Variants in GRINA observed in about 807,000 individuals in gnomAD.
The protein encoded by GRINA is protein lifeguard 1.
Under a neutral mutation model 42.5 loss-of-function variants are expected in GRINA, and 26 were observed. That is an observed-to-expected ratio of 0.61 (90% CI 0.45 to 0.85). The LOEUF (loss-of-function observed/expected upper bound fraction) is 0.85, where lower values mean the gene tolerates loss of function less well. Among genes scored for constraint, GRINA ranks in the 40% least tolerant of loss-of-function variants. The pLI, the probability that GRINA is intolerant of heterozygous loss-of-function variation, is 0.00. For missense variants in GRINA, 475 were observed against 481.5 expected, an observed-to-expected ratio of 0.99 and a Z score of 0.13; for synonymous variants, 256 against 204.2, an observed-to-expected ratio of 1.25 and a Z score of -2.17.
At position 143,992,264 on chromosome 8, in the gene GRINA, T is replaced by TGTC; in HGVS notation, c.716_718dup (p.Ser239dup). On this transcript the variant is annotated inframe_insertion, in exon 5 of 7. Coordinates refer to ENST00000395068, the MANE Select transcript of GRINA (RefSeq NM_001009184.2). ...CTGCAGTCGGTCCTGACCGCCAGCCTGTCGTACATGGTGGGGATGATCGCC... is the reference window on the plus strand; with the variant it reads ...CTGCAGTCGGTCCTGACCGCCAGCCTGTCGTCGTACATGGTGGGGATGATCGCC... The TGTC allele has an allele frequency of 6.2e-7, 1 of 1,600,840 alleles. No individual in the cohort carries two copies.
intron 4 of GRINA, 51 bp downstream of exon 4, chr8:143,992,129 C>A (rs782309962): frequency 6.2e-7 from 1 of 1,602,472 alleles, no homozygotes; most frequent in South Asian, 1.1e-5. Context: ...TGCAGTCCCA[C>A]ACGCCCACTC....
chr8:143,991,516 G>GCTA lies in GRINA; in HGVS notation c.295_297dup (p.Tyr99dup). 6.5e-7 allele frequency: 1 copy of GCTA among 1,544,994 alleles called. No individual in the cohort carries two copies. The highest frequency in any genetic ancestry group is 8.7e-7 in the Non-Finnish European group (1 of 1,143,920). On this transcript the variant is annotated inframe_insertion, in exon 2 of 7. Coordinates refer to ENST00000395068, the MANE Select transcript of GRINA (RefSeq NM_001009184.2). Reference sequence around the variant, plus strand: ...CCACAGGGCCCCTACCCCCAAGGGGGCTACCCCCAGGGGCCATATCCCCAG... The same window carrying GCTA: ...CCACAGGGCCCCTACCCCCAAGGGGGCTACTACCCCCAGGGGCCATATCCCCAG...
chr8:143,991,422 G>T lies in GRINA; in HGVS notation c.199G>T (p.Gly67Trp). Reference protein sequence around the residue: ...YPHGPSPYPQGGYPQGPYPQG... With the variant: ...YPHGPSPYPQWGYPQGPYPQG... Reference sequence around the variant, plus strand: ...CCATGGCCCCAGCCCCTACCCCCAAGGGGGCTACCCACAGGGTCCCTACCC... The same window carrying T: ...CCATGGCCCCAGCCCCTACCCCCAATGGGGCTACCCACAGGGTCCCTACCC... The change falls in exon 2 of 7, where the codon GGG becomes TGG. Residue 67 changes from glycine to tryptophan, a missense_variant. Gly to Trp is a radical substitution (Grantham distance 184, BLOSUM62 -2). Transcript: ENST00000395068. 1 of 1,405,576 alleles carries T rather than the reference G, an allele frequency of 7.1e-7. No individual in the cohort carries two copies. 87.1% of individuals were successfully genotyped at this position (1,405,576 alleles called of 1,614,324 possible). A position where few individuals can be genotyped will look rare whatever the true frequency, so the allele number is the denominator to read the frequency against.
rs1834064671 is a variant in GRINA, at chr8:143,990,073, C to T, written c.-151C>T. Reference sequence around the variant, plus strand: ...GCCCCGTCACAAGGCCCCGCTGCGTCTTCCGAGCCGCAGGCGCAGGCCCAG... The same window carrying T: ...GCCCCGTCACAAGGCCCCGCTGCGTTTTCCGAGCCGCAGGCGCAGGCCCAG... On this transcript the variant is annotated 5_prime_UTR_variant, in exon 1 of 7. Transcript: ENST00000395068. This position sits in a 1 kb window ranked among gnomAD's most constrained non-coding sequence, Gnocchi z 5.6. The T allele has an allele frequency of 6.6e-6, 1 of 150,658 alleles. No homozygotes were observed. The highest frequency in any genetic ancestry group is 2.1e-4 in the South Asian group (1 of 4,804). 9.3% of individuals were successfully genotyped at this position (150,658 alleles called of 1,614,324 possible).
Position 143,991,894 on chromosome 8 carries a change from C to T in GRINA, c.509C>T (p.Thr170Ile), listed in dbSNP as rs782346239. The part of the protein sequence containing the change: ...AFIRKVFLVL[T>I]LQLSVTLSTV... ...CTTCCCCAGGTGTTCCTAGTGCTGA[C>T]CTTGCAGCTGTCGGTGACCCTGTCC... The change falls in exon 4 of 7, where the codon ACC becomes ATC. Residue 170 changes from threonine (T) to isoleucine (I), a missense_variant. Transcript: ENST00000395068. 1.9e-6 allele frequency: 3 copies of T among 1,611,754 alleles called. No individual in the cohort carries two copies. The highest frequency in any genetic ancestry group is 4.5e-5 in the East Asian group (2 of 44,858).
At position 143,991,256 on chromosome 8, in the gene GRINA, G is replaced by T; in HGVS notation, c.33G>T (p.Gly11=). Residue 11 remains glycine (G), a synonymous_variant, in exon 2 of 7, where the codon GGG becomes GGT. Coordinates refer to ENST00000395068, the MANE Select transcript of GRINA (RefSeq NM_001009184.2). ...ATGAAAAGAGTTTTTTGGTGTCTGG[G>T]GACAACTATCCTCCCCCCAACCCTG... The part of the protein sequence containing the change: MSHEKSFLVS[G]DNYPPPNPGY... 6.4e-7 allele frequency: 1 copy of T among 1,570,172 alleles called. No individual in the cohort carries two copies. The highest frequency in any genetic ancestry group is 1.1e-5 in the South Asian group (1 of 87,240).
intron 5 of GRINA, 41 bp downstream of exon 5, chr8:143,992,414 GAGC>G: frequency 6.2e-7 from 1 of 1,612,856 alleles, no homozygotes. Context: ...CGCAGGGGCT[GAGC>G]AGCTTTCCCA....
rs1366078289 is a variant in GRINA, at chr8:143,990,345, G to C, written c.-25+146G>C. 6.6e-6 allele frequency: 1 copy of C among 150,880 alleles called. No individual in the cohort carries two copies. Among genetic ancestry groups the C allele is most frequent in the Non-Finnish European group, 1.5e-5 (1 of 67,444 alleles). The allele number at this position is 150,880 out of a possible 1,614,324, so 9.3% of individuals were successfully genotyped here. A position where few individuals can be genotyped will look rare whatever the true frequency, so the allele number is the denominator to read the frequency against. ...GTTGGTCCGGCCGGGGCGCGCGGCA[G>C]CTCGCGGCCAGAGGTGGCGGCGGTG... is the stretch of plus-strand genomic sequence containing the variant. On this transcript the variant is annotated intron_variant, in intron 1 of 6. Transcript: ENST00000395068. This position sits in a 1 kb window ranked among gnomAD's most constrained non-coding sequence, Gnocchi z 5.6.
rs988390635 is a variant in GRINA, at chr8:143,992,042, C to T, written c.657C>T (p.Asp219=). The change falls in exon 4 of 7, where the codon GAC becomes GAT. Residue 219 remains aspartate (D), a synonymous_variant. Coordinates refer to ENST00000395068, the MANE Select transcript of GRINA (RefSeq NM_001009184.2). Reference sequence around the variant, plus strand: ...TCATCGTCCTCAGCTGTTGTGGGGACTTCCGGCGAAAGCACCCCTGGAACC... The same window carrying T: ...TCATCGTCCTCAGCTGTTGTGGGGATTTCCGGCGAAAGCACCCCTGGAACC... ...ISLIVLSCCG[D]FRRKHPWNLV... 1 of 1,613,976 alleles carries T rather than the reference C, an allele frequency of 6.2e-7. No homozygotes were observed. The highest frequency in any genetic ancestry group is 1.7e-5 in the Admixed American group (1 of 60,022).
In GRINA at chr8:143,992,014, C is replaced by G. The variant is rs1834106869; in HGVS notation, c.629C>G (p.Ser210Cys). Residue 210 changes from serine (S) to cysteine (C), a missense_variant, in exon 4 of 7, where the codon TCT becomes TGT. Ser to Cys is a moderately radical substitution (Grantham distance 112, BLOSUM62 -1). Coordinates refer to ENST00000395068, the MANE Select transcript of GRINA (RefSeq NM_001009184.2). ...YYVSYAVFFISLIVLSCCGDF... is the reference protein window; with the variant it reads ...YYVSYAVFFICLIVLSCCGDF... Reference sequence around the variant, plus strand: ...GTCTCCTATGCTGTCTTCTTCATCTCTCTCATCGTCCTCAGCTGTTGTGGG... The same window carrying G: ...GTCTCCTATGCTGTCTTCTTCATCTGTCTCATCGTCCTCAGCTGTTGTGGG... 5 of 1,613,848 alleles carry G rather than the reference C, an allele frequency of 3.1e-6. No homozygotes were observed. The highest frequency in any genetic ancestry group is 1.1e-5 in the South Asian group (1 of 91,092).
At position 143,992,353 on chromosome 8, in the gene GRINA, G is replaced by A. The variant is rs369042024; in HGVS notation, c.802G>A (p.Val268Ile). 1.0e-4 allele frequency: 161 copies of A among 1,596,834 alleles called. 7 individuals are homozygous for A. In the South Asian group the frequency reaches 1.3e-3, roughly 13 times the overall value. The change falls in exon 5 of 7, where the codon GTC becomes ATC. Residue 268 changes from valine (V) to isoleucine (I), a missense_variant. Coordinates refer to ENST00000395068, the MANE Select transcript of GRINA (RefSeq NM_001009184.2). ...VGITTAVCFT[V>I]VIFSMQTRYD... The stretch of plus-strand genomic sequence containing the variant: ...CATCACCACAGCCGTCTGCTTCACC[G>A]TCGTCATCTTCTCCATGCAGGTGAG...
At chr8:143,991,632 G>C in intron 2 of GRINA, 30 bp downstream of exon 2, 2 of 1,596,182 alleles carry the variant, frequency 1.3e-6, no homozygotes, top group Non-Finnish European at 1.7e-6. Context: ...GGGTGGGGTG[G>C]CCGGGAGGGC....
chr8:143,991,850 G>A (rs372602998), intron 3 of GRINA, 28 bp from the exon 4 acceptor site: 24 of 1,609,988 alleles, frequency 1.5e-5, no homozygotes, highest in African/African-American at 5.3e-5. Flanking sequence ...GGCTCCCAGC[G>A]GATGACTCTG....
At position 143,991,543 on chromosome 8, in the gene GRINA, G is replaced by T. The variant is rs17854152; in HGVS notation, c.320G>T (p.Ser107Ile). The change falls in exon 2 of 7, where the codon AGC becomes ATC. Residue 107 changes from serine to isoleucine, a missense_variant. Ser to Ile is a moderately radical substitution (Grantham distance 142, BLOSUM62 -2). Transcript: ENST00000395068. ...GGYPQGPYPQ[S>I]PFPPNPYGQP... Reference sequence around the variant, plus strand: ...TACCCCCAGGGGCCATATCCCCAGAGCCCCTTCCCCCCCAACCCCTATGGA... The same window carrying T: ...TACCCCCAGGGGCCATATCCCCAGATCCCCTTCCCCCCCAACCCCTATGGA... The T allele has an allele frequency of 1.9e-6, 3 of 1,543,874 alleles. No homozygotes were observed. The highest frequency in any genetic ancestry group is 1.8e-6 in the Non-Finnish European group (2 of 1,128,552).
At position 143,991,341 on chromosome 8, in the gene GRINA, G is replaced by A; in HGVS notation, c.118G>A (p.Ala40Thr). The A allele has an allele frequency of 7.3e-7, 1 of 1,377,038 alleles. No individual in the cohort carries two copies. Among genetic ancestry groups the A allele is most frequent in the Non-Finnish European group, 9.9e-7 (1 of 1,013,604 alleles). The allele number at this position is 1,377,038 out of a possible 1,614,324, so 85.3% of individuals were successfully genotyped here. Reference sequence around the variant, plus strand: ...CTATGCTCAGCCTCCCTACCCTGGGGCCCCTTACCCACAGCCCCCTTTCCA... The same window carrying A: ...CTATGCTCAGCCTCCCTACCCTGGGACCCCTTACCCACAGCCCCCTTTCCA... ...PPYAQPPYPG[A>T]PYPQPPFQPS... Residue 40 changes from alanine to threonine, a missense_variant, in exon 2 of 7, where the codon GCC becomes ACC. By Grantham distance (58) the Ala-to-Thr change is moderately conservative. Coordinates refer to ENST00000395068, the MANE Select transcript of GRINA (RefSeq NM_001009184.2).
chr8:143,990,708 G>A lies in GRINA; in HGVS notation c.-24-492G>A, dbSNP rs1834076056. The A allele has an allele frequency of 6.6e-6, 1 of 152,166 alleles. No homozygotes were observed. The highest frequency in any genetic ancestry group is 1.5e-5 in the Non-Finnish European group (1 of 68,032). The allele number at this position is 152,166 out of a possible 1,614,324, so 9.4% of individuals were successfully genotyped here. On this transcript the variant is annotated intron_variant, in intron 1 of 6. Transcript: ENST00000395068. The surrounding 1 kb of genome is among the most constrained non-coding windows in gnomAD (Gnocchi z 5.6). ...GGGCTCGCGGGGGTGGGGGGGCTCG[G>A]GCCTTTGTTGGTCACAGATGGCCCG...
chr8:143,992,021 C>T lies in GRINA; in HGVS notation c.636C>T (p.Ile212=), dbSNP rs367845551. The T allele has an allele frequency of 8.7e-6, 14 of 1,613,822 alleles. No individual in the cohort carries two copies. The highest frequency in any genetic ancestry group is 6.7e-5 in the African/African-American group (5 of 74,904). ...VSYAVFFISL[I]VLSCCGDFRR... The stretch of plus-strand genomic sequence containing the variant: ...ATGCTGTCTTCTTCATCTCTCTCAT[C>T]GTCCTCAGCTGTTGTGGGGACTTCC... The change falls in exon 4 of 7, where the codon ATC becomes ATT. Residue 212 remains isoleucine (I), a synonymous_variant. Coordinates refer to ENST00000395068, the MANE Select transcript of GRINA (RefSeq NM_001009184.2).
rs370134141 is a variant in GRINA at position 143,991,680 on chromosome 8, T to C, written c.380-12T>C. 2 of 1,604,842 alleles carry C rather than the reference T, an allele frequency of 1.2e-6. No homozygotes were observed. Among genetic ancestry groups the C allele is most frequent in the African/African-American group, 2.7e-5 (2 of 74,728 alleles). The stretch of plus-strand genomic sequence containing the variant: ...TTGTGAGTGGCGCTGACCCAGCCTG[T>C]CTGCTTCTCAGCACCCCAGCATGGA... On this transcript the variant is annotated splice_polypyrimidine_tract_variant and intron_variant, in intron 2 of 6. Transcript: ENST00000395068.
At position 143,991,412 on chromosome 8, in the gene GRINA, C is replaced by A; in HGVS notation, c.189C>A (p.Pro63=). 1.5e-6 allele frequency: 2 copies of A among 1,310,012 alleles called. No individual in the cohort carries two copies. The highest frequency in any genetic ancestry group is 1.0e-6 in the Non-Finnish European group (1 of 968,892). 81.1% of individuals were successfully genotyped at this position (1,310,012 alleles called of 1,614,324 possible). ...CAGGGTACCCCCATGGCCCCAGCCC[C>A]TACCCCCAAGGGGGCTACCCACAGG... ...GQPGYPHGPS[P]YPQGGYPQGP... is the part of the protein sequence containing the mutation. The change falls in exon 2 of 7, where the codon CCC becomes CCA. Residue 63 remains proline (P), a synonymous_variant. Coordinates refer to ENST00000395068, the MANE Select transcript of GRINA (RefSeq NM_001009184.2).
Sources: gnomAD v4.1 joint callset for allele counts on GRCh38, gnomAD v4.1.1 for gene constraint, Gnocchi (gnomAD v3.1) non-coding constraint, MANE v1.5 for transcripts, NCBI Gene and HGNC (gene_info 2026-07-23, HGNC 2026-07-21) for gene names.